ENPEP: variants seen among roughly 807,000 people sequenced by gnomAD.
The protein encoded by ENPEP is AP-A.
A neutral mutation model predicts 114.5 loss-of-function variants in ENPEP; 103 were observed. That is an observed-to-expected ratio of 0.90 (90% CI 0.77 to 1.06). ENPEP has a LOEUF of 1.06. ENPEP is among the 50% of genes least tolerant of loss of function. The pLI is 0.00. For missense variants in ENPEP, 1,196 were observed against 1,161.3 expected (o/e 1.03, Z -0.43); for synonymous variants, 420 against 422.0 (o/e 1.00, Z 0.06).
intron 11 of ENPEP, among the ~76,000 whole-genome samples, chr4:110,537,641 A>C (rs1361925499): frequency 1.3e-5 from 2 of 152,224 alleles, no homozygotes; most frequent in Admixed American, 6.5e-5. Context: ...TCCTCTTATG[A>C]ATCATGAATG....
At chr4:110,525,935 T>A (rs1423035811) in intron 10 of ENPEP, among the ~76,000 whole-genome samples, 2 of 152,010 alleles carry the variant, frequency 1.3e-5, no homozygotes, top group Non-Finnish European at 2.9e-5. Context: ...ATGTGATATT[T>A]AAGGTGAGCA....
chr4:110,480,787 AGTGGGGC>A (rs1560549411), intron 1 of ENPEP, among the ~76,000 whole-genome samples: 1 of 152,346 alleles, frequency 6.6e-6, no homozygotes, highest in Non-Finnish European at 1.5e-5. Flanking sequence ...ACAGAGTTGT[AGTGGGGC>A]GTGGAAGGAG....
At chr4:110,480,448 G>A (rs1203393567) in intron 1 of ENPEP, among the ~76,000 whole-genome samples, 2 of 152,116 alleles carry the variant, frequency 1.3e-5, no homozygotes, top group African/African-American at 2.4e-5. Flanking sequence ...ATACTATAGA[G>A]TGAGCTTCGT....
At chr4:110,560,250 C>G (rs909462072) in intron 19 of ENPEP, among the ~76,000 whole-genome samples, 1 of 152,162 alleles carries the variant, frequency 6.6e-6, no homozygotes, top group Non-Finnish European at 1.5e-5. Context: ...CTGCAATAAA[C>G]CTACATGTGC....
chr4:110,553,986 G>GA (rs1727384127), intron 18 of ENPEP, among the ~76,000 whole-genome samples: 1 of 151,938 alleles, frequency 6.6e-6, no homozygotes, highest in Non-Finnish European at 1.5e-5. Context: ...AAATAGCAAG[G>GA]ACAAGAGCAA....
rs893524562 is a variant in ENPEP at position 110,506,654 on chromosome 4, G to C, written c.936G>C (p.Gln312His). 1.2e-6 allele frequency: 2 copies of C among 1,605,890 alleles called. No individual in the cohort carries two copies. Among genetic ancestry groups the C allele is most frequent in the Non-Finnish European group, 1.7e-6 (2 of 1,176,938 alleles). The change falls in exon 4 of 20, where the codon CAG becomes CAC. Residue 312 changes from glutamine to histidine, a missense_variant. Transcript: ENST00000265162. The part of the protein sequence containing the change: ...NSGKPLTIYV[Q>H]PEQKHTAEYA... ...TTTAATAGCTTACAATTTATGTCCAGCCAGAGCAAAAGCACACAGCCGAAT... is the reference window on the plus strand; with the variant it reads ...TTTAATAGCTTACAATTTATGTCCACCCAGAGCAAAAGCACACAGCCGAAT...
rs185094643 is a variant in ENPEP, at chr4:110,489,322, C to T, written c.786+640C>T. Reference sequence around the variant, plus strand: ...ACTAACACAGGAACAGAAAACCAAACACCGCATGTTCTCACTCGTAAGTGG... The same window carrying T: ...ACTAACACAGGAACAGAAAACCAAATACCGCATGTTCTCACTCGTAAGTGG... On this transcript the variant is annotated intron_variant, in intron 2 of 19. Transcript: ENST00000265162. Among the ~76,000 whole-genome samples, 657 of 151,916 alleles carry T rather than the reference C, an allele frequency of 4.3e-3. 3 individuals carry two copies. The highest frequency in any genetic ancestry group is 7.6e-3 in the Non-Finnish European group (518 of 67,960).
rs181526154 is a variant in ENPEP, at chr4:110,495,870, T to C, written c.918+4706T>C. ...AGAAGTATGTGCAAAAACAAGAAAT[T>C]ACCTTGTTGGAGATTATTTCAACTC... On this transcript the variant is annotated intron_variant, in intron 3 of 19. Coordinates refer to ENST00000265162, the MANE Select transcript of ENPEP (RefSeq NM_001977.4). Among the ~76,000 whole-genome samples, 202 of 152,334 alleles carry C rather than the reference T, an allele frequency of 1.3e-3. 1 individual carries two copies. The highest frequency in any genetic ancestry group is 4.6e-3 in the African/African-American group (193 of 41,584).
chr4:110,499,631 G>A (rs1046676344), intron 3 of ENPEP, among the ~76,000 whole-genome samples: 1 of 152,092 alleles, frequency 6.6e-6, no homozygotes, highest in Non-Finnish European at 1.5e-5. Flanking sequence ...AGTGGGATTT[G>A]GGGCAATGTC....
At chr4:110,504,806 G>A (rs148036843) in intron 3 of ENPEP, among the ~76,000 whole-genome samples, 21 of 152,286 alleles carry the variant, frequency 1.4e-4, no homozygotes, top group African/African-American at 5.1e-4. Flanking sequence ...TTACTGACAT[G>A]GGAAATGAGA....
At chr4:110,488,135 A>G (rs934816658) in intron 1 of ENPEP, among the ~76,000 whole-genome samples, 22 of 152,158 alleles carry the variant, frequency 1.4e-4, no homozygotes, top group African/African-American at 5.3e-4. Context: ...AGTTAGACAC[A>G]AGCTTTTAAG....
Position 110,476,450 on chromosome 4 carries a change from C to T in ENPEP, c.36C>T (p.Tyr12=), listed in dbSNP as rs750747961. Residue 12 remains tyrosine (Y), a synonymous_variant, in exon 1 of 20, where the codon TAC becomes TAT. Coordinates refer to ENST00000265162, the MANE Select transcript of ENPEP (RefSeq NM_001977.4). The part of the protein sequence containing the change: ...NFAEREGSKR[Y]CIQTKHVAIL... ...CGGAGAGAGAGGGCTCTAAGAGATA[C>T]TGCATTCAAACGAAACATGTGGCCA... The T allele has an allele frequency of 2.6e-6, 4 of 1,543,936 alleles. No homozygotes were observed. The East Asian group carries it at 6.8e-5, about 26-fold the overall frequency.
intron 19 of ENPEP, among the ~76,000 whole-genome samples, chr4:110,560,254 C>T (rs1263521697): frequency 1.3e-5 from 2 of 152,174 alleles, no homozygotes; most frequent in Admixed American, 6.5e-5. Flanking sequence ...AATAAACCTA[C>T]ATGTGCATGT....
intron 11 of ENPEP, among the ~76,000 whole-genome samples, chr4:110,536,215 G>T (rs554308681): frequency 1.3e-5 from 2 of 151,974 alleles, no homozygotes; most frequent in Admixed American, 6.6e-5. Flanking sequence ...CATTAGCCAG[G>T]TGAGTCTAAT....
intron 1 of ENPEP, among the ~76,000 whole-genome samples, chr4:110,486,316 A>G (rs181174558): frequency 6.6e-6 from 1 of 152,304 alleles, no homozygotes; most frequent in Non-Finnish European, 1.5e-5. Context: ...AATCAAAATA[A>G]AATGCACGCT....
chr4:110,486,299 G>C (rs1458182960), intron 1 of ENPEP, among the ~76,000 whole-genome samples: 1 of 152,144 alleles, frequency 6.6e-6, no homozygotes, highest in Non-Finnish European at 1.5e-5. Context: ...GCTGTAGTAA[G>C]TCCTTGAATC....
chr4:110,521,323 G>A (rs1382488205), intron 10 of ENPEP, among the ~76,000 whole-genome samples: 2 of 151,990 alleles, frequency 1.3e-5, no homozygotes, highest in Admixed American at 1.3e-4. Context: ...AGGCTTCAGT[G>A]AGCCATGATC....
intron 1 of ENPEP, among the ~76,000 whole-genome samples, chr4:110,484,525 A>T (rs1177598724): frequency 6.6e-6 from 1 of 151,892 alleles, no homozygotes; most frequent in Admixed American, 6.6e-5. Flanking sequence ...TGTGACTGAC[A>T]TTTGCTGAGA....
intron 17 of ENPEP, among the ~76,000 whole-genome samples, 197 bp downstream of exon 17, chr4:110,550,083 C>A (rs1465559081): frequency 6.6e-6 from 1 of 152,064 alleles, no homozygotes; most frequent in Non-Finnish European, 1.5e-5. Flanking sequence ...TGAACACATT[C>A]TGGAGGTAGG....
Sources: gnomAD v4.1 joint callset for allele counts (sites outside exome capture counted in the v4.1 genomes callset) on GRCh38, gnomAD v4.1.1 for gene constraint, MANE v1.5 for transcripts, NCBI Gene and HGNC (gene_info 2026-07-23, HGNC 2026-07-21) for gene names.